The following PTCH2 variants were observed in gnomAD, a reference collection of about 807,000 sequenced individuals.
The protein encoded by PTCH2 is patched 2.
PTCH2 carries 96 observed loss-of-function variants against 117.9 expected under a neutral mutation model. That is an observed-to-expected ratio of 0.81 (90% CI 0.69 to 0.96). The LOEUF (loss-of-function observed/expected upper bound fraction) is 0.96. Among genes scored for constraint, PTCH2 ranks in the 50% least tolerant of loss-of-function variants. The pLI is 0.00. For missense variants in PTCH2, 1,379 were observed against 1,562.5 expected (o/e 0.88, Z 1.98); for synonymous variants, 615 against 660.9 (o/e 0.93, Z 1.06).
chr1:44,822,346 A>G lies in PTCH2; in HGVS notation c.*69T>C. 6.2e-7 allele frequency: 1 copy of G among 1,608,794 alleles called. No homozygotes were observed. On this transcript the variant is annotated 3_prime_UTR_variant, in exon 22 of 22. Coordinates refer to ENST00000372192, the MANE Select transcript of PTCH2 (RefSeq NM_003738.5). ...CCTCCAGGGGTCCATCCTGCGTCTA[A>G]CACCAGACCCAGTGCTTCCCAGTGA...
At chr1:44,828,902 GC>G in intron 11 of PTCH2, 79 bp downstream of exon 11, 1 of 1,445,910 alleles carries the variant, frequency 6.9e-7, no homozygotes, top group Non-Finnish European at 9.5e-7. Flanking sequence ...TTCATTAGCA[GC>G]CCAAGGTCAC....
chr1:44,823,092 A>ACAGCAGCACAGG lies in PTCH2; in HGVS notation c.3322_3333dup (p.Pro1108_Leu1111dup), dbSNP rs1354031774. On this transcript the variant is annotated inframe_insertion, in exon 21 of 22. Transcript: ENST00000372192. The surrounding 1 kb of genome is among the most constrained non-coding windows in gnomAD (Gnocchi z 5.1). ...ACCTCTGGCGGCGGGCCCAGGATGGACAGCAGCACAGGCAGCAGCACGAGT... is the reference window on the plus strand; with the variant it reads ...ACCTCTGGCGGCGGGCCCAGGATGGACAGCAGCACAGGCAGCAGCACAGGCAGCAGCACGAGT... 6.2e-7 allele frequency: 1 copy of ACAGCAGCACAGG among 1,613,712 alleles called. No homozygotes were observed.
rs745322399 is a variant in PTCH2, at chr1:44,831,976, C to T, written c.524G>A (p.Arg175Gln). ...TCTACTCCCTCTCAGGACACTTACC[C>T]GCTCAATCATTCCATTTTCAATAAG... ...VPLIENGMIE[R>Q]MIEKLFPCVI... is the part of the protein sequence containing the mutation. Residue 175 changes from arginine to glutamine, a missense_variant and splice_region_variant, in exon 4 of 22, where the codon CGG becomes CAG. By Grantham distance (43) the Arg-to-Gln change is conservative (BLOSUM62 1). Coordinates refer to ENST00000372192, the MANE Select transcript of PTCH2 (RefSeq NM_003738.5). The surrounding 1 kb of genome is among the most constrained non-coding windows in gnomAD (Gnocchi z 4.3). 1.4e-5 allele frequency: 23 copies of T among 1,611,420 alleles called. No individual in the cohort carries two copies. Among genetic ancestry groups the T allele is most frequent in the Middle Eastern group, 1.7e-4 (1 of 6,056 alleles).
At chr1:44,840,601 C>T (rs2148885622) in intron 2 of PTCH2, among the ~76,000 whole-genome samples, 1 of 151,840 alleles carries the variant, frequency 6.6e-6, no homozygotes, top group East Asian at 2.0e-4. Flanking sequence ...ATCTCAGCTA[C>T]TTTGGAGGCT....
chr1:44,820,119 G>C (rs1652854782), downstream of PTCH2: 1 of 335,328 alleles, frequency 3.0e-6, no homozygotes, highest in African/African-American at 2.2e-5. Context: ...GCGTGTAAGA[G>C]GCATCATGCT....
In PTCH2 at chr1:44,828,142, C is replaced by T. The variant is rs375844056; in HGVS notation, c.1759G>A (p.Gly587Arg). Reference protein sequence around the residue: ...IQILPQELGDGTVPVGIAHLT... With the variant: ...IQILPQELGDRTVPVGIAHLT... ...TGGGCAATGCCCACTGGTACTGTCC[C>T]GTCCCCCAGCTCCTGGGGCAGGATC... The change falls in exon 14 of 22, where the codon GGG (glycine) becomes AGG (arginine). Residue 587 changes from glycine to arginine, a missense_variant. Physicochemically the swap from Gly to Arg is moderately radical, Grantham distance 125 (BLOSUM62 -2). Coordinates refer to ENST00000372192, the MANE Select transcript of PTCH2 (RefSeq NM_003738.5). The T allele has an allele frequency of 2.0e-5, 33 of 1,613,824 alleles. No individual in the cohort carries two copies. Among genetic ancestry groups the T allele is most frequent in the Admixed American group, 1.7e-4 (10 of 60,014 alleles).
Position 44,832,247 on chromosome 1 carries a change from G to A in PTCH2, c.360C>T (p.Arg120=), listed in dbSNP as rs753753033. ...GTGTGAGGATGTTCTCTCCCTCCTG[G>A]CGTGCGGTCTGTATCAGCATCTGAG... ...YTSQMLIQTA[R]QEGENILTPE... is the part of the protein sequence containing the mutation. Residue 120 remains arginine, a synonymous_variant, in exon 3 of 22, where the codon CGC becomes CGT. Coordinates refer to ENST00000372192, the MANE Select transcript of PTCH2 (RefSeq NM_003738.5). 5 of 1,614,214 alleles carry A rather than the reference G, an allele frequency of 3.1e-6. No homozygotes were observed. The highest frequency in any genetic ancestry group is 4.2e-6 in the Non-Finnish European group (5 of 1,180,048).
chr1:44,838,531 G>A (rs551273224), intron 2 of PTCH2, among the ~76,000 whole-genome samples: 62 of 152,164 alleles, frequency 4.1e-4, no homozygotes, highest in South Asian at 2.1e-3. Flanking sequence ...GTGAGCCACC[G>A]TGCCAGGCCT....
At chr1:44,836,369 C>T (rs1653687116) in intron 2 of PTCH2, among the ~76,000 whole-genome samples, 1 of 152,046 alleles carries the variant, frequency 6.6e-6, no homozygotes, top group Non-Finnish European at 1.5e-5. Flanking sequence ...CCCAGCACTT[C>T]AGGAGGCCAA....
downstream of PTCH2, chr1:44,820,004 G>C (rs369237595): frequency 2.5e-5 from 4 of 157,412 alleles, no homozygotes; most frequent in South Asian, 3.1e-4. Flanking sequence ...GTATATTCGT[G>C]ACTTCCGCTT....
chr1:44,843,128 G>A lies in PTCH2; in HGVS notation c.-196C>T, dbSNP rs991982191. The A allele has an allele frequency of 1.3e-5, 17 of 1,314,152 alleles. No homozygotes were observed. The highest frequency in any genetic ancestry group is 6.2e-5 in the African/African-American group (4 of 64,836). 81.4% of individuals were successfully genotyped at this position (1,314,152 alleles called of 1,614,324 possible). A position where few individuals can be genotyped will look rare whatever the true frequency, so the allele number is the denominator to read the frequency against. Reference sequence around the variant, plus strand: ...AGGAGTGCAGGGAGCTGCGGGTCCGGGGCGCGGCGCCGGGATTCACCCGCT... The same window carrying A: ...AGGAGTGCAGGGAGCTGCGGGTCCGAGGCGCGGCGCCGGGATTCACCCGCT... On this transcript the variant is annotated 5_prime_UTR_variant, in exon 1 of 22. Coordinates refer to ENST00000372192, the MANE Select transcript of PTCH2 (RefSeq NM_003738.5).
At position 44,826,860 on chromosome 1, in the gene PTCH2, G is replaced by GT. The variant is rs2148874501; in HGVS notation, c.2695+41_2695+42insA. 3.7e-6 allele frequency: 6 copies of GT among 1,613,200 alleles called. No homozygotes were observed. The highest frequency in any genetic ancestry group is 1.7e-5 in the Admixed American group (1 of 60,026). On this transcript the variant is annotated intron_variant, in intron 17 of 21. Transcript: ENST00000372192. This position sits in a 1 kb window ranked among gnomAD's most constrained non-coding sequence, Gnocchi z 5.1. ...AGGGCCTCAGGCTCAGGGCTTGTGT[G>GT]GGCGAGGCTGAGGCTCTTGCCGAGC...
In PTCH2 at chr1:44,832,057, G is replaced by C. The variant is rs1181211470; in HGVS notation, c.456-13C>G. On this transcript the variant is annotated splice_polypyrimidine_tract_variant and intron_variant, in intron 3 of 21. Coordinates refer to ENST00000372192, the MANE Select transcript of PTCH2 (RefSeq NM_003738.5). ...CAAATCCCAGGACCTGCAATAGCCA[G>C]GGGCATAGGAGATCAGCAGAAGAAG... 1 of 1,612,986 alleles carries C rather than the reference G, an allele frequency of 6.2e-7. No homozygotes were observed. Among genetic ancestry groups the C allele is most frequent in the East Asian group, 2.2e-5 (1 of 44,874 alleles).
rs202184038 is a variant in PTCH2, at chr1:44,823,157, G to A, written c.3269C>T (p.Ala1090Val). Reference sequence around the variant, plus strand: ...CAGGAGCGTGAGCACTGTCAGCGCCGCAAAGAAGTACCTAGGGGTAGGGTG... The same window carrying A: ...CAGGAGCGTGAGCACTGTCAGCGCCACAAAGAAGTACCTAGGGGTAGGGTG... ...HFDFIVRYFFAALTVLTLLGL... is the reference protein window; with the variant it reads ...HFDFIVRYFFVALTVLTLLGL... Residue 1090 changes from alanine (A) to valine (V), a missense_variant, in exon 21 of 22, where the codon GCG (alanine) becomes GTG (valine). Physicochemically the swap from Ala to Val is moderately conservative, Grantham distance 64 (BLOSUM62 0). Coordinates refer to ENST00000372192, the MANE Select transcript of PTCH2 (RefSeq NM_003738.5). This position sits in a 1 kb window ranked among gnomAD's most constrained non-coding sequence, Gnocchi z 5.1. The A allele has an allele frequency of 2.1e-4, 340 of 1,614,070 alleles. No homozygotes were observed. Among genetic ancestry groups the A allele is most frequent in the Non-Finnish European group, 2.7e-4 (322 of 1,179,984 alleles).
At position 44,827,561 on chromosome 1, in the gene PTCH2, C is replaced by A; in HGVS notation, c.2212G>T (p.Glu738Ter). The A allele has an allele frequency of 6.2e-7, 1 of 1,614,144 alleles. No individual in the cohort carries two copies. The highest frequency in any genetic ancestry group is 1.1e-5 in the South Asian group (1 of 91,090). The stretch of plus-strand genomic sequence containing the variant: ...CCACCCTGGGTCACCAGGGCCACCT[C>A]GTACAGGGAGAAGTACCTGAGCTGG... ...SAQLRYFSLY[E>*]VALVTQGGFD... Residue 738 changes from glutamate to a stop codon, truncating the protein, a stop_gained, in exon 15 of 22, where the codon GAG becomes TAG. Coordinates refer to ENST00000372192, the MANE Select transcript of PTCH2 (RefSeq NM_003738.5). LOFTEE classifies it high-confidence loss of function.
Position 44,829,485 on chromosome 1 carries a change from A to G in PTCH2, c.1132T>C (p.Phe378Leu), listed in dbSNP as rs1653328958. Residue 378 changes from phenylalanine (F) to leucine (L), a missense_variant, in exon 9 of 22, where the codon TTC (phenylalanine) becomes CTC (leucine). Physicochemically the swap from Phe to Leu is conservative, Grantham distance 22. Transcript: ENST00000372192. ...ATGTCATCCAGGGTGGTGGAGGAGA[A>G]GGCATGGATCTGCTGGGAAGCGTTC... Reference protein sequence around the residue: ...PENASQQIHAFSSTTLDDILH... With the variant: ...PENASQQIHALSSTTLDDILH... 6.2e-7 allele frequency: 1 copy of G among 1,614,090 alleles called. No individual in the cohort carries two copies. The highest frequency in any genetic ancestry group is 1.7e-5 in the Admixed American group (1 of 60,010).
Position 44,841,898 on chromosome 1 carries a change from C to G in PTCH2, c.214G>C (p.Gly72Arg). Residue 72 changes from glycine (G) to arginine (R), a missense_variant, in exon 2 of 22, where the codon GGT becomes CGT. Physicochemically the swap from Gly to Arg is moderately radical, Grantham distance 125 (BLOSUM62 -2). Transcript: ENST00000372192. ...GTCTCAATAATGGCCATGCGGAGAC[C>G]TAATGCCAGGGCCCCAAAGGCCAAC... ...GLLAFGALALGLRMAIIETNL... is the reference protein window; with the variant it reads ...GLLAFGALALRLRMAIIETNL... 1 of 1,614,210 alleles carries G rather than the reference C, an allele frequency of 6.2e-7. No homozygotes were observed. Among genetic ancestry groups the G allele is most frequent in the South Asian group, 1.1e-5 (1 of 91,080 alleles).
Position 44,823,238 on chromosome 1 carries a change from C to T in PTCH2, c.3257+5G>A. The T allele has an allele frequency of 6.2e-7, 1 of 1,614,206 alleles. No individual in the cohort carries two copies. The highest frequency in any genetic ancestry group is 1.3e-5 in the African/African-American group (1 of 75,058). On this transcript the variant is annotated splice_donor_5th_base_variant and intron_variant, in intron 20 of 21. Coordinates refer to ENST00000372192, the MANE Select transcript of PTCH2 (RefSeq NM_003738.5). The surrounding 1 kb of genome is among the most constrained non-coding windows in gnomAD (Gnocchi z 5.1). Reference sequence around the variant, plus strand: ...CCCTGCCTCCCTGCCCCGAGCCCTCCCTACCTTACAATGAAGTCAAAGTGG... The same window carrying T: ...CCCTGCCTCCCTGCCCCGAGCCCTCTCTACCTTACAATGAAGTCAAAGTGG...
At position 44,829,951 on chromosome 1, in the gene PTCH2, A is replaced by G. The variant is rs1232454186; in HGVS notation, c.893T>C (p.Leu298Pro). The change falls in exon 7 of 22, where the codon CTG (leucine) becomes CCG (proline). Residue 298 changes from leucine (L) to proline (P), a missense_variant. By Grantham distance (98) the Leu-to-Pro change is moderately conservative. Coordinates refer to ENST00000372192, the MANE Select transcript of PTCH2 (RefSeq NM_003738.5). The stretch of plus-strand genomic sequence containing the variant: ...GGGGTCTCTGGCCATGCCTCCCAGC[A>G]GCAATTCCTCCTGCCAGTGCATGAA... ...HKFMHWQEEL[L>P]LGGMARDPQG... 1 of 1,614,170 alleles carries G rather than the reference A, an allele frequency of 6.2e-7. No individual in the cohort carries two copies. Among genetic ancestry groups the G allele is most frequent in the Non-Finnish European group, 8.5e-7 (1 of 1,180,022 alleles).
Sources: gnomAD v4.1 joint callset for allele counts (sites outside exome capture counted in the v4.1 genomes callset) on GRCh38, gnomAD v4.1.1 for gene constraint, Gnocchi (gnomAD v3.1) non-coding constraint, MANE v1.5 for transcripts, NCBI Gene and HGNC (gene_info 2026-07-23, HGNC 2026-07-21) for gene names.